Variants in SAMD3 observed in about 807,000 individuals in gnomAD.
SAMD3 encodes sterile alpha motif domain containing 3.
In SAMD3, 63 loss-of-function variants were observed where a neutral mutation model predicts 58.5. The ratio of observed to expected loss-of-function variants is 1.08; its 90% CI spans 0.88 to 1.33. The LOEUF (loss-of-function observed/expected upper bound fraction) is 1.33, where lower values mean the gene tolerates loss of function less well. Among genes scored for constraint, SAMD3 ranks in the 40% most tolerant of loss-of-function variants. The pLI, the probability that SAMD3 is intolerant of heterozygous loss-of-function variation, is 0.00. For missense variants in SAMD3, 604 were observed against 608.4 expected (o/e 0.99, Z 0.08); for synonymous variants, 220 against 210.3 (o/e 1.05, Z -0.40).
chr6:130,289,759 C>G (rs1775300126), intron 2 of SAMD3, among the ~76,000 whole-genome samples: 1 of 152,196 alleles, frequency 6.6e-6, no homozygotes, highest in African/African-American at 2.4e-5. Context: ...CTTGGCCCCC[C>G]AAAGTGCTGG....
rs9492481 is a variant in SAMD3, at chr6:130,189,316, G to A, written c.384-4693C>T. Among the ~76,000 whole-genome samples the A allele has an allele frequency of 6.6e-3, 1,004 of 152,220 alleles. 12 individuals are homozygous for A. Among genetic ancestry groups the A allele is most frequent in the African/African-American group, 0.023 (964 of 41,544 alleles). ...TTCTTAAAAGATCTGTATGCCATGTGAGGTCAGAGAGAAAATGTAGCCATC... is the reference window on the plus strand; with the variant it reads ...TTCTTAAAAGATCTGTATGCCATGTAAGGTCAGAGAGAAAATGTAGCCATC... On this transcript the variant is annotated intron_variant, in intron 5 of 11. Transcript: ENST00000439090.
intron 5 of SAMD3, among the ~76,000 whole-genome samples, chr6:130,208,865 C>A (rs1795294184): frequency 6.6e-6 from 1 of 152,120 alleles, no homozygotes; most frequent in Admixed American, 6.5e-5. Flanking sequence ...TCCATGGTGT[C>A]AAAAAGGTTG....
Position 130,213,473 on chromosome 6 carries a change from A to G in SAMD3, c.269+864T>C, listed in dbSNP as rs867435313. Among the ~76,000 whole-genome samples, 19 of 152,280 alleles carry G rather than the reference A, an allele frequency of 1.2e-4. No homozygotes were observed. The South Asian group carries it at 1.7e-3, about 13-fold the overall frequency. Reference sequence around the variant, plus strand: ...TACCATTATATTATTTATCAAGGAGAAAGAGAAATCTCTATTATTACCACT... The same window carrying G: ...TACCATTATATTATTTATCAAGGAGGAAGAGAAATCTCTATTATTACCACT... On this transcript the variant is annotated intron_variant, in intron 4 of 11. Coordinates refer to ENST00000439090, the MANE Select transcript of SAMD3 (RefSeq NM_001017373.4).
chr6:130,220,300 A>AT (rs1324776084), intron 1 of SAMD3, among the ~76,000 whole-genome samples: 2 of 152,134 alleles, frequency 1.3e-5, no homozygotes. Flanking sequence ...AGCCTGGCCA[A>AT]TTTTTACATT....
At chr6:130,215,557 G>C in intron 2 of SAMD3, 1 of 1,324,088 alleles carries the variant, frequency 7.6e-7, no homozygotes, top group East Asian at 2.8e-5. Context: ...TTTTCCACAG[G>C]CATCTCTAAG....
intron 2 of SAMD3, among the ~76,000 whole-genome samples, chr6:130,276,773 A>C (rs1031091923): frequency 5.3e-5 from 8 of 152,134 alleles, no homozygotes; most frequent in Admixed American, 1.3e-4. Flanking sequence ...GGAATTCATT[A>C]CTCATATCAG....
intron 5 of SAMD3, among the ~76,000 whole-genome samples, chr6:130,187,389 A>G (rs903196623): frequency 6.6e-6 from 1 of 152,100 alleles, no homozygotes; most frequent in Admixed American, 6.6e-5. Flanking sequence ...AGCTAGACAT[A>G]TAAAGGATCC....
At position 130,187,091 on chromosome 6, in the gene SAMD3, C is replaced by T. The variant is rs142776496; in HGVS notation, c.384-2468G>A. Among the ~76,000 whole-genome samples, 521 of 152,076 alleles carry T rather than the reference C, an allele frequency of 3.4e-3. 2 individuals carry two copies. The highest frequency in any genetic ancestry group is 0.011 in the African/African-American group (453 of 41,488). The stretch of plus-strand genomic sequence containing the variant: ...GGGCCTTCCTAGCATTTTTTAAAAG[C>T]GATGTAACTTGGCAGGTGTTAAGCT... On this transcript the variant is annotated intron_variant, in intron 5 of 11. Coordinates refer to ENST00000439090, the MANE Select transcript of SAMD3 (RefSeq NM_001017373.4).
At chr6:130,250,521 A>G (rs13206469) in intron 2 of SAMD3, among the ~76,000 whole-genome samples, 37 of 152,266 alleles carry the variant, frequency 2.4e-4, no homozygotes, top group South Asian at 6.2e-4. Context: ...TATCACCTCA[A>G]TTTAAGACTA....
intron 9 of SAMD3, among the ~76,000 whole-genome samples, chr6:130,149,421 T>G (rs559337740): frequency 2.3e-4 from 35 of 152,180 alleles, no homozygotes; most frequent in Non-Finnish European, 3.7e-4. Flanking sequence ...ACACATATAT[T>G]CATTGCAGCA....
At chr6:130,213,388 T>C (rs946075355) in intron 4 of SAMD3, among the ~76,000 whole-genome samples, 1 of 151,860 alleles carries the variant, frequency 6.6e-6, no homozygotes, top group African/African-American at 2.4e-5. Context: ...GGCTACCTAT[T>C]CCCCTCCATG....
chr6:130,363,741 T>C (rs933759983), intron 1 of SAMD3, among the ~76,000 whole-genome samples: 1 of 152,212 alleles, frequency 6.6e-6, no homozygotes, highest in East Asian at 1.9e-4. Flanking sequence ...CTCTTTCTAC[T>C]ATGCACTCTT....
intron 2 of SAMD3, among the ~76,000 whole-genome samples, chr6:130,229,203 G>A (rs541192779): frequency 6.6e-6 from 1 of 152,358 alleles, no homozygotes; most frequent in African/African-American, 2.4e-5. Context: ...TGGCCCAGAT[G>A]TAGTAGTGAG....
At chr6:130,186,874 G>A (rs948298974) in intron 5 of SAMD3, among the ~76,000 whole-genome samples, 3 of 150,140 alleles carry the variant, frequency 2.0e-5, no homozygotes, top group Admixed American at 6.7e-5. Flanking sequence ...GGGTTCAAGC[G>A]ATTCTCCTGC....
At position 130,261,403 on chromosome 6, in the gene SAMD3, G is replaced by A. The variant is rs1435974170; in HGVS notation, c.-187-38590C>T. On this transcript the variant is annotated intron_variant, in intron 2 of 13. Transcript: ENST00000368134. ...GGAACTTGCCTACTCCATTTGAGTG[G>A]AAGCATGGCCTGATCACCCACGGTG... 2.0e-5 allele frequency among the ~76,000 whole-genome samples: 3 copies of A among 152,116 alleles called. 1 individual carries two copies. The highest frequency in any genetic ancestry group is 4.4e-5 in the Non-Finnish European group (3 of 68,024).
intron 2 of SAMD3, among the ~76,000 whole-genome samples, chr6:130,235,303 A>G (rs543701106): frequency 6.6e-6 from 1 of 152,324 alleles, no homozygotes; most frequent in Admixed American, 6.5e-5. Context: ...ACTCTAAGGT[A>G]AAACTGTTAT....
At chr6:130,298,016 TATA>T (rs1163410584) in intron 2 of SAMD3, among the ~76,000 whole-genome samples, 1 of 152,144 alleles carries the variant, frequency 6.6e-6, no homozygotes, top group Non-Finnish European at 1.5e-5. Context: ...AACATCCAGA[TATA>T]AGAAATTCAG....
chr6:130,349,625 A>G (rs563554495), intron 1 of SAMD3, among the ~76,000 whole-genome samples: 47 of 152,308 alleles, frequency 3.1e-4, no homozygotes, highest in African/African-American at 1.0e-3. Flanking sequence ...ATTCACAGCC[A>G]AATTCTACCA....
rs547129994 is a variant in SAMD3, at chr6:130,248,273, C to T, written c.-187-25460G>A. Among the ~76,000 whole-genome samples the T allele has an allele frequency of 4.7e-4, 72 of 151,998 alleles. 1 individual carries two copies. The South Asian group carries it at 6.6e-3, about 14-fold the overall frequency. On this transcript the variant is annotated intron_variant, in intron 2 of 13. Coordinates refer to the SAMD3 transcript ENST00000368134. Reference sequence around the variant, plus strand: ...GCCTTTATTAACAAAAAGTCACTCACAGCATTTCAACATTGTTCAAACACA... The same window carrying T: ...GCCTTTATTAACAAAAAGTCACTCATAGCATTTCAACATTGTTCAAACACA...
Sources: gnomAD v4.1 joint callset for allele counts (sites outside exome capture counted in the v4.1 genomes callset) on GRCh38, gnomAD v4.1.1 for gene constraint, MANE v1.5 for transcripts, NCBI Gene and HGNC (gene_info 2026-07-23, HGNC 2026-07-21) for gene names.